SGIP1: variants seen among roughly 807,000 people sequenced by gnomAD.
SGIP1 encodes the protein SH3-containing GRB2-like protein 3-interacting protein 1.
SGIP1 carries 38 observed loss-of-function variants against 107.5 expected under a neutral mutation model. That is an observed-to-expected ratio of 0.35 (90% confidence interval 0.27 to 0.46). The LOEUF (loss-of-function observed/expected upper bound fraction) is 0.46. Ranked by LOEUF, SGIP1 falls within the 20% of genes least tolerant of loss-of-function variation. The pLI is 1.00. For missense variants in SGIP1, 929 were observed against 1,019.5 expected, an observed-to-expected ratio of 0.91 and a Z score of 1.21; for synonymous variants, 365 against 366.1, an observed-to-expected ratio of 1.00 and a Z score of 0.03.
At chr1:66,635,082 T>A (rs577648856) in intron 3 of SGIP1, among the ~76,000 whole-genome samples, 8 of 152,382 alleles carry the variant, frequency 5.2e-5, no homozygotes, top group African/African-American at 1.9e-4. Context: ...CAGGTGGTGG[T>A]GCACCTACCT....
At chr1:66,667,006 C>A (rs573589763) in intron 8 of SGIP1, 2 of 152,760 alleles carry the variant, frequency 1.3e-5, no homozygotes, top group Admixed American at 1.3e-4. Context: ...ATAAGCACAC[C>A]TTCCATAGAA....
At chr1:66,690,594 G>A (rs921831578) in intron 17 of SGIP1, 15 of 285,982 alleles carry the variant, frequency 5.2e-5, no homozygotes, top group East Asian at 1.9e-4. Context: ...GTAAGAAATC[G>A]CCAAGGAAGG....
At chr1:66,543,256 C>T (rs1405971208) in intron 1 of SGIP1, among the ~76,000 whole-genome samples, 1 of 152,194 alleles carries the variant, frequency 6.6e-6, no homozygotes, top group Non-Finnish European at 1.5e-5. Flanking sequence ...ATCAAAAAGC[C>T]TGGTTCCCAC....
At chr1:66,598,750 T>C (rs1558023323) in intron 1 of SGIP1, among the ~76,000 whole-genome samples, 1 of 152,162 alleles carries the variant, frequency 6.6e-6, no homozygotes, top group Non-Finnish European at 1.5e-5. Context: ...ACCGAAGAGA[T>C]GGTGCTAAAC....
At chr1:66,628,014 C>T (rs1254123386) in intron 2 of SGIP1, among the ~76,000 whole-genome samples, 1 of 150,482 alleles carries the variant, frequency 6.6e-6, no homozygotes, top group Non-Finnish European at 1.5e-5. Context: ...TTTTTGTCCT[C>T]GCGATAGTTT....
chr1:66,642,619 TAGG>T (rs1234252129), intron 5 of SGIP1, among the ~76,000 whole-genome samples, 188 bp from the exon 6 acceptor site: 4 of 152,168 alleles, frequency 2.6e-5, no homozygotes, highest in Non-Finnish European at 2.9e-5. Context: ...ATTTTCCCAG[TAGG>T]AGGACTCTCC....
At chr1:66,637,881 A>G (rs1226912140) in intron 4 of SGIP1, among the ~76,000 whole-genome samples, 1 of 150,952 alleles carries the variant, frequency 6.6e-6, no homozygotes, top group Non-Finnish European at 1.5e-5. Flanking sequence ...ACAAATATAT[A>G]TATATATAAA....
intron 7 of SGIP1, among the ~76,000 whole-genome samples, chr1:66,647,367 G>A (rs6689755): frequency 0.52 from 79,489 of 151,978 alleles, 21,965 homozygotes; most frequent in East Asian, 0.91. Flanking sequence ...AGATCCCACT[G>A]CCACAATTTA....
chr1:66,636,157 G>C (rs1375187169), intron 4 of SGIP1, 142 bp downstream of exon 4: 21 of 743,930 alleles, frequency 2.8e-5, no homozygotes, highest in Admixed American at 1.7e-4. Context: ...ATGACTTCTT[G>C]AATGTCTGGG....
intron 14 of SGIP1, 22 bp from the exon 15 acceptor site, chr1:66,681,847 A>C: frequency 6.3e-7 from 1 of 1,583,624 alleles, no homozygotes. Flanking sequence ...TTAAAGTTTA[A>C]AATCAACTAC....
intron 2 of SGIP1, among the ~76,000 whole-genome samples, chr1:66,631,046 A>G (rs1267775977): frequency 9.0e-5 from 3 of 33,246 alleles, no homozygotes; most frequent in Non-Finnish European, 1.5e-4. Flanking sequence ...GAAGAAAGGA[A>G]GAAAGAAAGA....
intron 15 of SGIP1, among the ~76,000 whole-genome samples, chr1:66,686,915 T>C (rs985362774): frequency 1.3e-5 from 2 of 152,230 alleles, no homozygotes; most frequent in East Asian, 3.8e-4. Flanking sequence ...GCATTTTATA[T>C]AGTCAACATT....
chr1:66,602,215 G>T (rs1286564369), intron 1 of SGIP1, among the ~76,000 whole-genome samples: 1 of 152,148 alleles, frequency 6.6e-6, no homozygotes. Context: ...TTCAAAGTTT[G>T]GGTGGGTGAC....
At position 66,740,681 on chromosome 1, in the gene SGIP1, T is replaced by C. The variant is rs201675253; in HGVS notation, c.2258T>C (p.Leu753Ser). 30 of 1,608,596 alleles carry C rather than the reference T, an allele frequency of 1.9e-5. No homozygotes were observed. In the East Asian group the frequency reaches 5.4e-4, roughly 29 times the overall value. ...AGGAATGCTGAACAACAGAGAATAT[T>C]GTGGAAGATTCCTGATATCTCTCAG... is the stretch of plus-strand genomic sequence containing the variant. The part of the protein sequence containing the change: ...AVWNAEQQRI[L>S]WKIPDISQKS... Residue 753 changes from leucine (L) to serine (S), a missense_variant, in exon 23 of 25, where the codon TTG (leucine) becomes TCG (serine). Leu to Ser is a moderately radical substitution (Grantham distance 145). This residue lies in a region of SGIP1 where 341 missense variants were observed against 430.9 expected (regional missense o/e 0.79). Coordinates refer to ENST00000371037, the MANE Select transcript of SGIP1 (RefSeq NM_032291.4).
At position 66,725,543 on chromosome 1, in the gene SGIP1, G is replaced by C. The variant is rs78096255; in HGVS notation, c.1743-3721G>C. Among the ~76,000 whole-genome samples, 789 of 152,290 alleles carry C rather than the reference G, an allele frequency of 5.2e-3. 10 individuals are homozygous for C. Among genetic ancestry groups the C allele is most frequent in the African/African-American group, 0.017 (723 of 41,558 alleles). On this transcript the variant is annotated intron_variant, in intron 19 of 24. Transcript: ENST00000371037. The stretch of plus-strand genomic sequence containing the variant: ...TCATAAAGAAGCTCACTCACTTTAA[G>C]CATTTACTGTGTCCCAAAGAAGAAT...
chr1:66,740,572 AT>A (rs1343957309), intron 22 of SGIP1, 85 bp from the exon 23 acceptor site: 1 of 819,180 alleles, frequency 1.2e-6, no homozygotes, highest in African/African-American at 1.7e-5. Context: ...ATTTTAAAAA[AT>A]TAATACTATC....
intron 1 of SGIP1, among the ~76,000 whole-genome samples, chr1:66,541,863 T>C (rs1479682249): frequency 1.3e-5 from 2 of 152,216 alleles, no homozygotes; most frequent in Non-Finnish European, 2.9e-5. Flanking sequence ...TCTCAGTTGC[T>C]GTACTAGGCA....
intron 24 of SGIP1, among the ~76,000 whole-genome samples, chr1:66,741,892 C>A (rs1213492860): frequency 2.0e-5 from 3 of 151,738 alleles, no homozygotes. Context: ...CTCAGCCTCC[C>A]GAGTAGCTGG....
Position 66,634,902 on chromosome 1 carries a change from G to A in SGIP1, c.100-1042G>A, listed in dbSNP as rs536844152. ...CTAACTGAGTTTCTGTCTGCATTCAGTTCTCAGAGATACCGACCTGATTTT... is the reference window on the plus strand; with the variant it reads ...CTAACTGAGTTTCTGTCTGCATTCAATTCTCAGAGATACCGACCTGATTTT... On this transcript the variant is annotated intron_variant, in intron 3 of 24. Coordinates refer to ENST00000371037, the MANE Select transcript of SGIP1 (RefSeq NM_032291.4). Among the ~76,000 whole-genome samples the A allele has an allele frequency of 1.7e-3, 260 of 152,284 alleles. 1 individual carries two copies. Among genetic ancestry groups the A allele is most frequent in the African/African-American group, 6.0e-3 (248 of 41,560 alleles).
Sources: gnomAD v4.1 joint callset for allele counts (sites outside exome capture counted in the v4.1 genomes callset) on GRCh38, gnomAD v4.1.1 for gene constraint, gnomAD v4.1.1 regional missense constraint, MANE v1.5 for transcripts, NCBI Gene and HGNC (gene_info 2026-07-23, HGNC 2026-07-21) for gene names.